AGR3: variants seen among roughly 807,000 people sequenced by gnomAD.
AGR3 encodes the protein anterior gradient 3, protein disulphide isomerase family member.
Under a neutral mutation model 24.5 loss-of-function variants are expected in AGR3, and 37 were observed. The observed-to-expected ratio is 1.51, with a 90% CI of 1.16 to 1.99. The LOEUF (loss-of-function observed/expected upper bound fraction) is 1.99. AGR3 is among the 30% of genes most tolerant of loss of function. The pLI, the probability that AGR3 is intolerant of heterozygous loss-of-function variation, is 0.00. For missense variants in AGR3, 228 were observed against 191.1 expected, an observed-to-expected ratio of 1.19 and a Z score of -1.14; for synonymous variants, 75 against 61.6, an observed-to-expected ratio of 1.22 and a Z score of -1.02.
chr7:16,872,655 A>G (rs1326102335), intron 3 of AGR3, among the ~76,000 whole-genome samples: 1 of 152,194 alleles, frequency 6.6e-6, no homozygotes, highest in African/African-American at 2.4e-5. Context: ...AAACAAAAGC[A>G]TAAGGGGACA....
intron 2 of AGR3, among the ~76,000 whole-genome samples, chr7:16,875,859 A>G (rs1437113966): frequency 6.6e-6 from 1 of 152,230 alleles, no homozygotes; most frequent in African/African-American, 2.4e-5. Context: ...TCTCTTTCCA[A>G]CTTTGGTTGA....
At chr7:16,872,563 T>A (rs190948334) in intron 3 of AGR3, among the ~76,000 whole-genome samples, 101 of 152,114 alleles carry the variant, frequency 6.6e-4, no homozygotes, top group African/African-American at 2.4e-3. Context: ...AATGTATGGG[T>A]AAGATTTCAA....
Position 16,859,626 on chromosome 7 carries a change from C to A in AGR3, c.457G>T (p.Glu153Ter). ...YEPRDLPLLI[E>*]NMKKALRLIQ... ...AGTCTTAATGCTTTCTTCATGTTTT[C>A]TATCACTGAAATAAGAGTTAATATA... The change falls in exon 8 of 8, where the codon GAA becomes TAA. Residue 153 changes from glutamate (E) to a stop codon, truncating the protein, a stop_gained. Transcript: ENST00000310398. LOFTEE classifies it high-confidence loss of function. 6.6e-7 allele frequency: 1 copy of A among 1,517,620 alleles called. No homozygotes were observed. 94.0% of individuals were successfully genotyped at this position (1,517,620 alleles called of 1,614,324 possible). A position where few individuals can be genotyped will look rare whatever the true frequency, so the allele number is the denominator to read the frequency against.
downstream of AGR3, among the ~76,000 whole-genome samples, chr7:16,858,252 C>T (rs1781579901): frequency 6.6e-6 from 1 of 152,084 alleles, no homozygotes; most frequent in Non-Finnish European, 1.5e-5. Flanking sequence ...TCTCAGCCTC[C>T]CAAAGTGCTG....
At chr7:16,872,454 A>G (rs992378508) in intron 3 of AGR3, among the ~76,000 whole-genome samples, 43 of 152,214 alleles carry the variant, frequency 2.8e-4, no homozygotes, top group Non-Finnish European at 8.8e-5. Flanking sequence ...GCAGAAATCA[A>G]TTCAAAATGG....
intron 3 of AGR3, among the ~76,000 whole-genome samples, chr7:16,867,596 A>G (rs2471908): frequency 0.26 from 39,725 of 152,080 alleles, 5,527 homozygotes; most frequent in South Asian, 0.38. Context: ...TGTACAACAG[A>G]TCTCTTCAAT....
rs202123989 is a variant in AGR3 at position 16,862,638 on chromosome 7, A to G, written c.198T>C (p.His66=). 8.4e-5 allele frequency: 130 copies of G among 1,545,346 alleles called. 3 individuals are homozygous for G. In the Admixed American group the frequency reaches 2.7e-3, roughly 33 times the overall value. ...QKSKKPLMVI[H]HLEDCQYSQA... is the part of the protein sequence containing the mutation. ...GAGAGTATTGACAATCCTCCAGGTGATGAATAACCATTAATGGCTTCTTAC... is the reference window on the plus strand; with the variant it reads ...GAGAGTATTGACAATCCTCCAGGTGGTGAATAACCATTAATGGCTTCTTAC... The change falls in exon 4 of 8, where the codon CAT becomes CAC. Residue 66 remains histidine (H), a synonymous_variant. Coordinates refer to ENST00000310398, the MANE Select transcript of AGR3 (RefSeq NM_176813.5).
rs184275036 is a variant in AGR3, at chr7:16,870,260, T to C, written c.173+3520A>G. On this transcript the variant is annotated intron_variant, in intron 3 of 7. Transcript: ENST00000310398. ...CAGTCAATTTTTAAATATCAATTTA[T>C]TCTCATCTAATTCAACAGAATTTTT... Among the ~76,000 whole-genome samples the C allele has an allele frequency of 5.0e-3, 766 of 152,248 alleles. 6 individuals carry two copies. The highest frequency in any genetic ancestry group is 7.6e-3 in the Non-Finnish European group (520 of 67,984).
In AGR3 at chr7:16,860,291, C is replaced by T. The variant is rs191628259; in HGVS notation, c.451+209G>A. Among the ~76,000 whole-genome samples, 95 of 152,162 alleles carry T rather than the reference C, an allele frequency of 6.2e-4. 1 individual carries two copies. In the East Asian group the frequency reaches 9.7e-3, roughly 15 times the overall value. ...TTTAGTGAGCTCAGAATTTAGTAAT[C>T]CTAAAATCCCTTAGACATCCCTGTT... is the stretch of plus-strand genomic sequence containing the variant. On this transcript the variant is annotated intron_variant, in intron 7 of 7. Coordinates refer to ENST00000310398, the MANE Select transcript of AGR3 (RefSeq NM_176813.5).
At chr7:16,855,327 C>A (rs1781541586), downstream of AGR3, among the ~76,000 whole-genome samples, 2 of 152,148 alleles carry the variant, frequency 1.3e-5, no homozygotes, top group African/African-American at 2.4e-5. Flanking sequence ...ACAATTCAAC[C>A]TGTTACTGTA....
At chr7:16,880,413 G>A (rs984275768) in intron 1 of AGR3, among the ~76,000 whole-genome samples, 2 of 151,476 alleles carry the variant, frequency 1.3e-5, no homozygotes, top group South Asian at 2.1e-4. Flanking sequence ...CAACTGCTTC[G>A]GCCTCCCAAA....
intron 4 of AGR3, 131 bp from the exon 5 acceptor site, chr7:16,862,191 G>T: frequency 1.5e-6 from 1 of 674,500 alleles, no homozygotes; most frequent in Non-Finnish European, 2.5e-6. Context: ...ATAGTTCATT[G>T]GCCTATTGCC....
chr7:16,862,957 G>C (rs1260066383), intron 3 of AGR3, among the ~76,000 whole-genome samples: 2 of 152,234 alleles, frequency 1.3e-5, no homozygotes, highest in East Asian at 1.9e-4. Flanking sequence ...TGTAGTCCCA[G>C]CTGCTCTGGA....
chr7:16,859,307 C>T (rs1781595942), downstream of AGR3: 1 of 246,928 alleles, frequency 4.0e-6, no homozygotes, highest in Non-Finnish European at 7.6e-6. Context: ...GAAATAGAGA[C>T]AAACTGTATA....
chr7:16,875,499 T>A (rs1781970123), intron 2 of AGR3, among the ~76,000 whole-genome samples: 1 of 152,234 alleles, frequency 6.6e-6, no homozygotes, highest in Admixed American at 6.5e-5. Context: ...ATTTTATTTA[T>A]CTGTTCATCA....
rs372754426 is a variant in AGR3 at position 16,860,496 on chromosome 7, T to G, written c.451+4A>C. The stretch of plus-strand genomic sequence containing the variant: ...ACTGTTTGAGATCATTTGTGAATAC[T>G]TACATAGGGGTAAATCCCGAGGCTC... On this transcript the variant is annotated splice_donor_region_variant and intron_variant, in intron 7 of 7. Transcript: ENST00000310398. The G allele has an allele frequency of 1.2e-6, 2 of 1,607,346 alleles. No individual in the cohort carries two copies. Among genetic ancestry groups the G allele is most frequent in the East Asian group, 2.2e-5 (1 of 44,834 alleles).
intron 7 of AGR3, among the ~76,000 whole-genome samples, chr7:16,859,853 G>A (rs942762985): frequency 2.6e-5 from 4 of 152,096 alleles, no homozygotes; most frequent in Non-Finnish European, 4.4e-5. Flanking sequence ...TTTCATCAGA[G>A]GGGTTTTGAG....
At chr7:16,859,728 T>C in intron 7 of AGR3, 97 bp from the exon 8 acceptor site, 1 of 746,390 alleles carries the variant, frequency 1.3e-6, no homozygotes, top group Non-Finnish European at 2.1e-6. Flanking sequence ...CCATTTAAAT[T>C]AATAGCTTTG....
intron 6 of AGR3, 144 bp from the exon 7 acceptor site, chr7:16,860,727 G>A (rs1583834189): frequency 3.3e-6 from 2 of 603,668 alleles, no homozygotes; most frequent in East Asian, 5.8e-5. Context: ...CTGAAGTTTG[G>A]GCTTCAGCTG....
Sources: allele counts gnomAD v4.1 joint callset (sites outside exome capture counted in the v4.1 genomes callset), GRCh38; gene constraint gnomAD v4.1.1; transcripts MANE v1.5; gene names NCBI Gene and HGNC (gene_info 2026-07-23, HGNC 2026-07-21).